Variants in AGPAT4 observed in about 807,000 individuals in gnomAD.
AGPAT4 encodes 1-acylglycerol-3-phosphate O-acyltransferase 4.
AGPAT4 carries 15 observed loss-of-function variants against 48.0 expected under a neutral mutation model. The observed-to-expected ratio is 0.31, with a 90% CI of 0.21 to 0.48. AGPAT4 has a LOEUF of 0.48. AGPAT4 is among the 20% of genes least tolerant of loss of function. The pLI is 0.99. For synonymous variants in AGPAT4, 178 were observed against 198.7 expected, an observed-to-expected ratio of 0.90 and a Z score of 0.88; for missense variants, 314 against 482.5, an observed-to-expected ratio of 0.65 and a Z score of 3.27.
In AGPAT4 at chr6:161,266,227, C is replaced by T. The variant is rs1299253679; in HGVS notation, c.-90+7711G>A. ...AATAAAGGATTAATGGGCCCAAAATCTCAACATCGAGATTGAGAAACACCT... is the reference window on the plus strand; with the variant it reads ...AATAAAGGATTAATGGGCCCAAAATTTCAACATCGAGATTGAGAAACACCT... On this transcript the variant is annotated intron_variant, in intron 1 of 8. Transcript: ENST00000320285. This position sits in a 1 kb window ranked among gnomAD's most constrained non-coding sequence, Gnocchi z 6.2. Among the ~76,000 whole-genome samples, 1 of 152,170 alleles carries T rather than the reference C, an allele frequency of 6.6e-6. No homozygotes were observed. Among genetic ancestry groups the T allele is most frequent in the African/African-American group, 2.4e-5 (1 of 41,438 alleles).
In AGPAT4 at chr6:161,198,262, C is replaced by A. The variant is rs142001573; in HGVS notation, c.179-31845G>T. 6.6e-6 allele frequency among the ~76,000 whole-genome samples: 1 copy of A among 152,168 alleles called. No individual in the cohort carries two copies. The highest frequency in any genetic ancestry group is 1.9e-4 in the East Asian group (1 of 5,192). On this transcript the variant is annotated intron_variant, in intron 2 of 8. Transcript: ENST00000320285. This position sits in a 1 kb window ranked among gnomAD's most constrained non-coding sequence, Gnocchi z 4.3. ...TCTTGCTTGTACGTAAATATAATCT[C>A]AAGTAATTTTTCATGCTTTGGCAAG...
At position 161,144,284 on chromosome 6, in the gene AGPAT4, G is replaced by A. The variant is rs994649512; in HGVS notation, c.843+2240C>T. The A allele has an allele frequency of 3.8e-5, 18 of 469,808 alleles. No homozygotes were observed. The highest frequency in any genetic ancestry group is 6.6e-5 in the Non-Finnish European group (15 of 228,308). The allele number at this position is 469,808 out of a possible 1,614,324, so 29.1% of individuals were successfully genotyped here. A position where few individuals can be genotyped will look rare whatever the true frequency, so the allele number is the denominator to read the frequency against. On this transcript the variant is annotated intron_variant, in intron 7 of 8. Coordinates refer to ENST00000320285, the MANE Select transcript of AGPAT4 (RefSeq NM_020133.3). The surrounding 1 kb of genome is among the most constrained non-coding windows in gnomAD (Gnocchi z 6.6). Reference sequence around the variant, plus strand: ...CCCCAGCCCTGCACGGAGAGAGAAAGGGCCTGGACTCCAGCACCTGGCTTT... The same window carrying A: ...CCCCAGCCCTGCACGGAGAGAGAAAAGGCCTGGACTCCAGCACCTGGCTTT...
intron 2 of AGPAT4, among the ~76,000 whole-genome samples, chr6:161,183,929 C>T (rs907313234): frequency 4.0e-5 from 6 of 151,056 alleles, no homozygotes; most frequent in Non-Finnish European, 3.0e-5. Flanking sequence ...TGGGCAAGGA[C>T]GAAGGGAAGG....
At position 161,244,133 on chromosome 6, in the gene AGPAT4, T is replaced by C. The variant is rs1247823371; in HGVS notation, c.-89-11831A>G. On this transcript the variant is annotated intron_variant, in intron 1 of 8. Coordinates refer to ENST00000320285, the MANE Select transcript of AGPAT4 (RefSeq NM_020133.3). The surrounding 1 kb of genome is among the most constrained non-coding windows in gnomAD (Gnocchi z 4.7). ...AGACCCTCATCACTTTGGTGCTCTC[T>C]GAATGTACCTGTGTTTTCCTGATCT... Among the ~76,000 whole-genome samples the C allele has an allele frequency of 6.6e-6, 1 of 152,234 alleles. No individual in the cohort carries two copies. The highest frequency in any genetic ancestry group is 2.4e-5 in the African/African-American group (1 of 41,450).
chr6:161,149,439 AT>A lies in AGPAT4; in HGVS notation c.665-151del. ...ATTTCTTTCTTTCTATATGGTCCAC[AT>A]GTTCTACACTGAATGTGTATTATCT... On this transcript the variant is annotated intron_variant, in intron 5 of 8. Transcript: ENST00000320285. This position sits in a 1 kb window ranked among gnomAD's most constrained non-coding sequence, Gnocchi z 6.5. 1.6e-6 allele frequency: 1 copy of A among 623,648 alleles called. No homozygotes were observed. The highest frequency in any genetic ancestry group is 2.6e-6 in the Non-Finnish European group (1 of 379,248). 38.6% of individuals were successfully genotyped at this position (623,648 alleles called of 1,614,324 possible).
chr6:161,173,861 T>G (rs568615563), intron 2 of AGPAT4, among the ~76,000 whole-genome samples: 1 of 152,358 alleles, frequency 6.6e-6, no homozygotes, highest in Non-Finnish European at 1.5e-5. Context: ...GCTTTCTACA[T>G]ATGGCTAGCC....
In AGPAT4 at chr6:161,161,139, CTGGCTTTA is replaced by C. The variant is rs1317260785; in HGVS notation, c.348+5101_348+5108del. On this transcript the variant is annotated intron_variant, in intron 3 of 8. Transcript: ENST00000320285. This position sits in a 1 kb window ranked among gnomAD's most constrained non-coding sequence, Gnocchi z 4.6. ...AGGAAGCCCCAAGCTTTCAACAACC[CTGGCTTTA>C]TGAGCGGTGGGATCAGACTCTGGCT... 1.3e-5 allele frequency: 6 copies of C among 456,596 alleles called. No homozygotes were observed. Among genetic ancestry groups the C allele is most frequent in the Non-Finnish European group, 2.2e-5 (5 of 226,976 alleles). The allele number at this position is 456,596 out of a possible 1,614,324, so 28.3% of individuals were successfully genotyped here. A position where few individuals can be genotyped will look rare whatever the true frequency, so the allele number is the denominator to read the frequency against.
intron 1 of AGPAT4, among the ~76,000 whole-genome samples, chr6:161,247,981 C>CAAAAAAAAA (rs143168079): frequency 7.1e-5 from 2 of 28,210 alleles, no homozygotes; most frequent in African/African-American, 3.0e-4. Flanking sequence ...GACTCTGTCT[C>CAAAAAAAAA]AAAAAAAAAA....
chr6:161,211,029 G>C (rs1190760556), intron 2 of AGPAT4, among the ~76,000 whole-genome samples: 1 of 152,200 alleles, frequency 6.6e-6, no homozygotes. Flanking sequence ...CCTATGCCCA[G>C]GAATGAGCAA....
chr6:161,224,186 T>G (rs1164067423), intron 2 of AGPAT4, among the ~76,000 whole-genome samples: 5 of 152,210 alleles, frequency 3.3e-5, no homozygotes, highest in Non-Finnish European at 7.3e-5. Context: ...GTTTGTTTGT[T>G]TGTTGTCCTA....
At position 161,178,223 on chromosome 6, in the gene AGPAT4, C is replaced by T. The variant is rs1046273454; in HGVS notation, c.179-11806G>A. On this transcript the variant is annotated intron_variant, in intron 2 of 8. Transcript: ENST00000320285. This position sits in a 1 kb window ranked among gnomAD's most constrained non-coding sequence, Gnocchi z 5.1. ...GTCTGCAGAAGTTTCTGCTGCCCTG[C>T]CCCCAGAGGTGGAGTCTACAGAGGC... Among the ~76,000 whole-genome samples, 1 of 151,972 alleles carries T rather than the reference C, an allele frequency of 6.6e-6. No homozygotes were observed. The highest frequency in any genetic ancestry group is 6.6e-5 in the Admixed American group (1 of 15,244).
intron 2 of AGPAT4, among the ~76,000 whole-genome samples, chr6:161,181,594 T>C (rs1469253656): frequency 6.6e-6 from 1 of 152,182 alleles, no homozygotes; most frequent in Non-Finnish European, 1.5e-5. Context: ...CTTTTAATTT[T>C]TGTGAGACAG....
intron 3 of AGPAT4, among the ~76,000 whole-genome samples, chr6:161,157,947 T>C (rs1779808723): frequency 6.6e-6 from 1 of 152,226 alleles, no homozygotes; most frequent in Non-Finnish European, 1.5e-5. Flanking sequence ...TATTCCCTGG[T>C]GTCCCTGTAA....
At position 161,251,529 on chromosome 6, in the gene AGPAT4, C is replaced by G. The variant is rs1306239980; in HGVS notation, c.-89-19227G>C. On this transcript the variant is annotated intron_variant, in intron 1 of 8. Coordinates refer to ENST00000320285, the MANE Select transcript of AGPAT4 (RefSeq NM_020133.3). The surrounding 1 kb of genome is among the most constrained non-coding windows in gnomAD (Gnocchi z 4.6). ...GGCCTTGCTCTCTTGGCCTCTCCACCTGATCTCCTCTTCCTCTCCCAGAGG... is the reference window on the plus strand; with the variant it reads ...GGCCTTGCTCTCTTGGCCTCTCCACGTGATCTCCTCTTCCTCTCCCAGAGG... Among the ~76,000 whole-genome samples the G allele has an allele frequency of 1.3e-5, 2 of 152,204 alleles. No homozygotes were observed. Among genetic ancestry groups the G allele is most frequent in the African/African-American group, 4.8e-5 (2 of 41,452 alleles).
intron 3 of AGPAT4, chr6:161,160,212 T>G (rs1340069129): frequency 7.1e-6 from 1 of 141,224 alleles, no homozygotes; most frequent in Non-Finnish European, 1.5e-5. Context: ...TCCACCCGCC[T>G]CGGCCTCCCA....
At chr6:161,174,140 G>A (rs113189282) in intron 2 of AGPAT4, among the ~76,000 whole-genome samples, 1 of 152,046 alleles carries the variant, frequency 6.6e-6, no homozygotes, top group Admixed American at 6.5e-5. Flanking sequence ...CTCTTTTTTG[G>A]TTCCATATGA....
At chr6:161,239,479 G>C (rs1419122871) in intron 1 of AGPAT4, among the ~76,000 whole-genome samples, 1 of 152,144 alleles carries the variant, frequency 6.6e-6, no homozygotes, top group East Asian at 1.9e-4. Flanking sequence ...GGATTTAAAA[G>C]GTATTTATTT....
At chr6:161,248,349 C>T (rs555778593) in intron 1 of AGPAT4, among the ~76,000 whole-genome samples, 184 of 152,052 alleles carry the variant, frequency 1.2e-3, no homozygotes, top group African/African-American at 4.1e-3. Context: ...CCGAGACGGG[C>T]GGATCATGAG....
Position 161,262,879 on chromosome 6 carries a change from G to A in AGPAT4, c.-90+11059C>T, listed in dbSNP as rs73596929. ...TGCTGATGAAAGATGCCAGCGAGCC[G>A]TGAGAGCTGAGGTGGCCAGTCCTTG... On this transcript the variant is annotated intron_variant, in intron 1 of 8. Coordinates refer to ENST00000320285, the MANE Select transcript of AGPAT4 (RefSeq NM_020133.3). This position sits in a 1 kb window ranked among gnomAD's most constrained non-coding sequence, Gnocchi z 4.9. 0.051 allele frequency among the ~76,000 whole-genome samples: 7,800 copies of A among 152,206 alleles called. 630 individuals carry two copies. Among genetic ancestry groups the A allele is most frequent in the African/African-American group, 0.18 (7,321 of 41,504 alleles).
Sources: allele counts gnomAD v4.1 joint callset (sites outside exome capture counted in the v4.1 genomes callset), GRCh38; gene constraint gnomAD v4.1.1; non-coding constraint Gnocchi (gnomAD v3.1); transcripts MANE v1.5; gene names NCBI Gene and HGNC (gene_info 2026-07-23, HGNC 2026-07-21).